CEP72: variants seen among roughly 807,000 people sequenced by gnomAD.
CEP72 encodes the protein centrosomal protein of 72 kDa.
Under a neutral mutation model 65.7 loss-of-function variants are expected in CEP72, and 78 were observed. That is an observed-to-expected ratio of 1.19 (90% CI 0.99 to 1.43). The LOEUF (loss-of-function observed/expected upper bound fraction) is 1.43, where lower values mean the gene tolerates loss of function less well. CEP72 is among the 40% of genes most tolerant of loss of function. The pLI is 0.00. For synonymous variants in CEP72, 358 were observed against 351.7 expected (o/e 1.02, Z -0.20); for missense variants, 914 against 832.9 (o/e 1.10, Z -1.20).
intron 11 of CEP72, among the ~76,000 whole-genome samples, chr5:648,552 A>T (rs1296360768): frequency 5.6e-5 from 6 of 107,386 alleles, no homozygotes; most frequent in Admixed American, 3.8e-4. Flanking sequence ...GTGAGGTGTG[A>T]CTGTGAGGTG....
chr5:617,086 G>A (rs370942800), intron 1 of CEP72, among the ~76,000 whole-genome samples: 3 of 152,092 alleles, frequency 2.0e-5, no homozygotes, highest in African/African-American at 7.2e-5. Context: ...GCAGGCTTAC[G>A]GTTTTTGGTC....
At chr5:637,048 C>T (rs895698501) in intron 6 of CEP72, among the ~76,000 whole-genome samples, 22 of 152,114 alleles carry the variant, frequency 1.4e-4, no homozygotes, top group African/African-American at 4.6e-4. Flanking sequence ...TGCCTTCCCC[C>T]GGGTCTTGTG....
chr5:616,821 T>C (rs1031888871), intron 1 of CEP72, among the ~76,000 whole-genome samples: 15 of 150,586 alleles, frequency 1.0e-4, no homozygotes, highest in East Asian at 1.9e-4. Flanking sequence ...TGTGTATGTG[T>C]GTGTGTGTGT....
chr5:616,952 G>C (rs1422402990), intron 1 of CEP72, among the ~76,000 whole-genome samples: 1 of 151,788 alleles, frequency 6.6e-6, no homozygotes, highest in Non-Finnish European at 1.5e-5. Flanking sequence ...GTTGTTGTGT[G>C]TGTGGGTGGG....
At position 637,527 on chromosome 5, in the gene CEP72, T is replaced by C; in HGVS notation, c.915T>C (p.Asp305=). 1.2e-6 allele frequency: 2 copies of C among 1,613,106 alleles called. No homozygotes were observed. The highest frequency in any genetic ancestry group is 1.7e-6 in the Non-Finnish European group (2 of 1,179,368). The change falls in exon 7 of 12, where the codon GAT becomes GAC. Residue 305 remains aspartate (D), a synonymous_variant. Transcript: ENST00000264935. ...TYFTPHPDSM[D]TEDSASSQKL... The stretch of plus-strand genomic sequence containing the variant: ...CTCTCTATATCTCAGACTCCATGGA[T>C]ACCGAGGACTCGGCCTCTTCTCAGA...
rs1365809473 is a variant in CEP72 at position 623,183 on chromosome 5, C to T, written c.404-1288C>T. Among the ~76,000 whole-genome samples, 1 of 152,138 alleles carries T rather than the reference C, an allele frequency of 6.6e-6. No individual in the cohort carries two copies. The highest frequency in any genetic ancestry group is 2.4e-5 in the African/African-American group (1 of 41,422). ...TCTTAGTGTTTCTGCAGAGAAGGAG[C>T]GCGACCGTCTCCCCTCTTAGTGTTT... On this transcript the variant is annotated intron_variant, in intron 3 of 11. Transcript: ENST00000264935. The surrounding 1 kb of genome is among the most constrained non-coding windows in gnomAD (Gnocchi z 5.3).
chr5:622,770 GTGTC>G (rs138360661), intron 3 of CEP72, among the ~76,000 whole-genome samples: 14,849 of 152,220 alleles, frequency 0.098, 1,536 homozygotes, highest in African/African-American at 0.26. Context: ...CCAAGACACA[GTGTC>G]TGTTTCCAAA....
Position 637,676 on chromosome 5 carries a change from A to G in CEP72, c.1064A>G (p.Glu355Gly), listed in dbSNP as rs756393827. 1.6e-5 allele frequency: 26 copies of G among 1,613,818 alleles called. No homozygotes were observed. In the Admixed American group the frequency reaches 4.0e-4, roughly 25 times the overall value. The stretch of plus-strand genomic sequence containing the variant: ...GACCAGGAGGGTTTGGGCTGCCCGG[A>G]GAGAACTCATGGGTCCTCCGTGCCC... Reference protein sequence around the residue: ...FSDQEGLGCPERTHGSSVPKE... With the variant: ...FSDQEGLGCPGRTHGSSVPKE... Residue 355 changes from glutamate to glycine, a missense_variant, in exon 7 of 12, where the codon GAG becomes GGG. Physicochemically the swap from Glu to Gly is moderately conservative, Grantham distance 98. Coordinates refer to ENST00000264935, the MANE Select transcript of CEP72 (RefSeq NM_018140.4).
At chr5:635,779 CAG>C (rs1302069567) in intron 6 of CEP72, among the ~76,000 whole-genome samples, 195 bp downstream of exon 6, 6 of 152,256 alleles carry the variant, frequency 3.9e-5, no homozygotes, top group Non-Finnish European at 8.8e-5. Context: ...AAGCTCAAGA[CAG>C]AGAAATGGAG....
At chr5:650,450 CTG>C (rs1446091935) in intron 11 of CEP72, among the ~76,000 whole-genome samples, 1 of 56,516 alleles carries the variant, frequency 1.8e-5, no homozygotes, top group Non-Finnish European at 3.0e-5. Context: ...TGAGGTGTGA[CTG>C]TGAGGCGTGG....
Position 620,147 on chromosome 5 carries a change from C to T in CEP72, c.289C>T (p.Leu97Phe), listed in dbSNP as rs761604111. 5.0e-6 allele frequency: 8 copies of T among 1,614,188 alleles called. No homozygotes were observed. Among genetic ancestry groups the T allele is most frequent in the Non-Finnish European group, 6.8e-6 (8 of 1,180,012 alleles). The change falls in exon 3 of 12, where the codon CTC (leucine) becomes TTC (phenylalanine). Residue 97 changes from leucine to phenylalanine, a missense_variant. Coordinates refer to ENST00000264935, the MANE Select transcript of CEP72 (RefSeq NM_018140.4). ...CTCCTCGTTGGCAGAAGTGTTTCGGCTCCACGCCTTAACCGAGCTCGTGGA... is the reference window on the plus strand; with the variant it reads ...CTCCTCGTTGGCAGAAGTGTTTCGGTTCCACGCCTTAACCGAGCTCGTGGA... Reference protein sequence around the residue: ...CISSLAEVFRLHALTELVDVD... With the variant: ...CISSLAEVFRFHALTELVDVD...
At chr5:651,063 C>T (rs1739022397) in intron 11 of CEP72, among the ~76,000 whole-genome samples, 1 of 63,074 alleles carries the variant, frequency 1.6e-5, no homozygotes, top group Non-Finnish European at 2.8e-5. Flanking sequence ...GAGGTGTGGA[C>T]TGTGAGGTGT....
rs1389853579 is a variant in CEP72 at position 623,528 on chromosome 5, C to G, written c.404-943C>G. On this transcript the variant is annotated intron_variant, in intron 3 of 11. Transcript: ENST00000264935. The surrounding 1 kb of genome is among the most constrained non-coding windows in gnomAD (Gnocchi z 5.3). ...TTCGGACATGCTGCATTAGAATTTA[C>G]ACAACAGTCCAGAGAAATGTTCTTG... Among the ~76,000 whole-genome samples, 1 of 152,130 alleles carries G rather than the reference C, an allele frequency of 6.6e-6. No homozygotes were observed. The highest frequency in any genetic ancestry group is 1.9e-4 in the East Asian group (1 of 5,186).
chr5:665,932 C>G (rs1229079654), intron 3 of CEP72: 2 of 1,105,366 alleles, frequency 1.8e-6, no homozygotes, highest in Middle Eastern at 3.4e-4. Context: ...CCGCCCCCAC[C>G]CCCTCCAGGC....
rs570403761 is a variant in CEP72 at position 633,951 on chromosome 5, C to G, written c.691+4C>G. The G allele has an allele frequency of 3.7e-6, 6 of 1,610,136 alleles. No individual in the cohort carries two copies. In the African/African-American group the frequency reaches 8.0e-5, roughly 21 times the overall value. ...GCCGACTCTCGTGGTTCCCAAGGTGCGCTGCTCATCTGCCAGGAGGCCAGT... is the reference window on the plus strand; with the variant it reads ...GCCGACTCTCGTGGTTCCCAAGGTGGGCTGCTCATCTGCCAGGAGGCCAGT... On this transcript the variant is annotated splice_donor_region_variant and intron_variant, in intron 5 of 11. Coordinates refer to ENST00000264935, the MANE Select transcript of CEP72 (RefSeq NM_018140.4).
At chr5:639,373 T>C in intron 8 of CEP72, 149 bp downstream of exon 8, 1 of 832,642 alleles carries the variant, frequency 1.2e-6, no homozygotes, top group Non-Finnish European at 1.8e-6. Context: ...GCCTGGGCCC[T>C]CCCTGGCAGT....
At chr5:658,760 C>A (rs4956963), downstream of CEP72, among the ~76,000 whole-genome samples, 29 of 145,574 alleles carry the variant, frequency 2.0e-4, no homozygotes, top group Admixed American at 6.9e-5. Flanking sequence ...GCTCCGCCTC[C>A]CGGGTTCACG....
chr5:659,203 G>A (rs756895423), downstream of CEP72, among the ~76,000 whole-genome samples: 29 of 152,260 alleles, frequency 1.9e-4, no homozygotes, highest in Non-Finnish European at 3.8e-4. Flanking sequence ...TTCCTGGAGC[G>A]CGAGGCGCGC....
At chr5:617,118 G>A (rs1045523830) in intron 1 of CEP72, among the ~76,000 whole-genome samples, 3 of 152,164 alleles carry the variant, frequency 2.0e-5, no homozygotes, top group Non-Finnish European at 2.9e-5. Context: ...CTGGGCTGCC[G>A]ACTTCTGTGG....
Sources: gnomAD v4.1 joint callset for allele counts (sites outside exome capture counted in the v4.1 genomes callset) on GRCh38, gnomAD v4.1.1 for gene constraint, Gnocchi (gnomAD v3.1) non-coding constraint, MANE v1.5 for transcripts, NCBI Gene and HGNC (gene_info 2026-07-23, HGNC 2026-07-21) for gene names.